Variants in MAP3K5 observed in about 807,000 individuals in gnomAD.
MAP3K5 encodes ASK-1.
Under a neutral mutation model 158.7 loss-of-function variants are expected in MAP3K5, and 56 were observed. The ratio of observed to expected loss-of-function variants is 0.35; its 90% confidence interval spans 0.28 to 0.44. The LOEUF (loss-of-function observed/expected upper bound fraction) is 0.44. Ranked by LOEUF, MAP3K5 falls within the 20% of genes least tolerant of loss-of-function variation. The pLI is 1.00. For synonymous variants in MAP3K5, 579 were observed against 601.7 expected (o/e 0.96, Z 0.55); for missense variants, 1,294 against 1,674.8 (o/e 0.77, Z 3.97).
chr6:136,653,673 T>C (rs747319857), intron 10 of MAP3K5, among the ~76,000 whole-genome samples: 2 of 152,224 alleles, frequency 1.3e-5, no homozygotes, highest in African/African-American at 2.4e-5. Context: ...TCTATATGGC[T>C]TTCATTATTT....
At chr6:136,710,374 T>C (rs1781257858) in intron 2 of MAP3K5, among the ~76,000 whole-genome samples, 1 of 152,200 alleles carries the variant, frequency 6.6e-6, no homozygotes, top group Non-Finnish European at 1.5e-5. Context: ...TCCATACTTG[T>C]CTGAGGTATT....
chr6:136,779,639 C>A (rs1465621838), intron 1 of MAP3K5, among the ~76,000 whole-genome samples: 2 of 152,060 alleles, frequency 1.3e-5, no homozygotes, highest in East Asian at 1.9e-4. Context: ...AATATAAGGA[C>A]CTTTTTCCTT....
chr6:136,725,884 T>C (rs1246056406), intron 1 of MAP3K5, among the ~76,000 whole-genome samples: 3 of 152,362 alleles, frequency 2.0e-5, no homozygotes, highest in African/African-American at 7.2e-5. Flanking sequence ...GTGTGAGGCA[T>C]GGGTCAAGAT....
At chr6:136,754,655 T>C (rs1388394184) in intron 1 of MAP3K5, among the ~76,000 whole-genome samples, 1 of 152,102 alleles carries the variant, frequency 6.6e-6, no homozygotes, top group Non-Finnish European at 1.5e-5. Flanking sequence ...ACCCTATGCT[T>C]AATCTGCAGA....
At chr6:136,638,887 A>C (rs1777779404) in intron 13 of MAP3K5, among the ~76,000 whole-genome samples, 1 of 152,264 alleles carries the variant, frequency 6.6e-6, no homozygotes, top group African/African-American at 2.4e-5. Flanking sequence ...TTTGGCTTCT[A>C]AATTATCACT....
At chr6:136,702,290 T>C (rs948454030) in intron 3 of MAP3K5, among the ~76,000 whole-genome samples, 3 of 152,146 alleles carry the variant, frequency 2.0e-5, no homozygotes, top group Admixed American at 1.3e-4. Flanking sequence ...CCAGTGAGTA[T>C]GCAGTGGAGG....
rs542085471 is a variant in MAP3K5, at chr6:136,739,847, T to TC, written c.449-19259dup. 1.7e-3 allele frequency among the ~76,000 whole-genome samples: 254 copies of TC among 152,280 alleles called. 2 individuals carry two copies. Among genetic ancestry groups the TC allele is most frequent in the Non-Finnish European group, 3.2e-3 (220 of 68,010 alleles). On this transcript the variant is annotated intron_variant, in intron 1 of 29. Coordinates refer to ENST00000359015, the MANE Select transcript of MAP3K5 (RefSeq NM_005923.4). Reference sequence around the variant, plus strand: ...TGATCTCATTGTCATTTCTAGTAGATCCCCCCATTCATTCTCAAGTGTCCT... The same window carrying TC: ...TGATCTCATTGTCATTTCTAGTAGATCCCCCCCATTCATTCTCAAGTGTCCT...
chr6:136,655,091 T>C (rs1778686169), intron 10 of MAP3K5, among the ~76,000 whole-genome samples: 1 of 152,226 alleles, frequency 6.6e-6, no homozygotes, highest in Admixed American at 6.5e-5. Flanking sequence ...TTTTTTATAT[T>C]CACTTATATT....
chr6:136,675,135 T>C (rs1213978322), intron 7 of MAP3K5, among the ~76,000 whole-genome samples: 3 of 151,816 alleles, frequency 2.0e-5, no homozygotes, highest in Admixed American at 6.6e-5. Flanking sequence ...GTAAATTCAA[T>C]AGGAAAATAT....
chr6:136,702,451 C>G (rs1021655016), intron 3 of MAP3K5, among the ~76,000 whole-genome samples: 1 of 152,132 alleles, frequency 6.6e-6, no homozygotes, highest in Non-Finnish European at 1.5e-5. Flanking sequence ...CAGATTGCCA[C>G]CAAACCCATA....
At chr6:136,681,779 T>C (rs991394581) in intron 7 of MAP3K5, among the ~76,000 whole-genome samples, 7 of 151,688 alleles carry the variant, frequency 4.6e-5, no homozygotes, top group African/African-American at 9.7e-5. Context: ...ATTAGCCGGG[T>C]GTGGTGGCGG....
intron 3 of MAP3K5, among the ~76,000 whole-genome samples, chr6:136,704,689 G>A (rs967442934): frequency 3.3e-5 from 5 of 152,136 alleles, no homozygotes; most frequent in Non-Finnish European, 5.9e-5. Flanking sequence ...GGGATTACAG[G>A]AGCATGCTAC....
At position 136,772,137 on chromosome 6, in the gene MAP3K5, G is replaced by A. The variant is rs868064499; in HGVS notation, c.448+19573C>T. 9.8e-4 allele frequency among the ~76,000 whole-genome samples: 144 copies of A among 146,844 alleles called. 1 individual carries two copies. Among genetic ancestry groups the A allele is most frequent in the African/African-American group, 3.6e-3 (141 of 38,834 alleles). ...TTACCATGTTGGCCAGGCTGGTCTC[G>A]AACTCCCAACCTCAGGTGATCTGCG... On this transcript the variant is annotated intron_variant, in intron 1 of 29. Coordinates refer to ENST00000359015, the MANE Select transcript of MAP3K5 (RefSeq NM_005923.4).
At chr6:136,792,927 G>C (rs952076735), upstream of MAP3K5, among the ~76,000 whole-genome samples, 2 of 152,146 alleles carry the variant, frequency 1.3e-5, no homozygotes, top group Non-Finnish European at 2.9e-5. The surrounding 1 kb of genome is among the most constrained non-coding windows in gnomAD (Gnocchi z 5.7). Context: ...TAGGAAGCTC[G>C]AGCCCGGACT....
intron 1 of MAP3K5, among the ~76,000 whole-genome samples, chr6:136,770,809 G>A (rs1265943157): frequency 1.3e-5 from 2 of 152,026 alleles, no homozygotes; most frequent in Non-Finnish European, 2.9e-5. Context: ...TATGTATGAA[G>A]CAAGAATCTG....
At chr6:136,690,923 T>A (rs1195918145) in intron 7 of MAP3K5, among the ~76,000 whole-genome samples, 1 of 152,214 alleles carries the variant, frequency 6.6e-6, no homozygotes, top group African/African-American at 2.4e-5. Context: ...TCTAGAATTG[T>A]CTTTACTTCA....
intron 18 of MAP3K5, among the ~76,000 whole-genome samples, chr6:136,607,536 C>T (rs891498986): frequency 6.6e-6 from 1 of 152,158 alleles, no homozygotes; most frequent in Admixed American, 6.5e-5. Flanking sequence ...TGAGAGCCAA[C>T]CTGAACACTG....
rs371002078 is a variant in MAP3K5 at position 136,707,566 on chromosome 6, G to GA, written c.589-2434_589-2433insT. On this transcript the variant is annotated intron_variant, in intron 2 of 29. Coordinates refer to ENST00000359015, the MANE Select transcript of MAP3K5 (RefSeq NM_005923.4). ...GAATTAAAGAGGTACTTGGGGGGGG[G>GA]GGGAACCCCTTGAACGTAGTCATTT... Among the ~76,000 whole-genome samples, 600 of 152,058 alleles carry GA rather than the reference G, an allele frequency of 3.9e-3. 2 individuals carry two copies. The highest frequency in any genetic ancestry group is 0.013 in the African/African-American group (546 of 41,532).
chr6:136,718,897 T>C (rs1375074084), intron 2 of MAP3K5, among the ~76,000 whole-genome samples: 1 of 152,206 alleles, frequency 6.6e-6, no homozygotes, highest in Non-Finnish European at 1.5e-5. Context: ...CTAGGTGATC[T>C]AGGTGTGGCA....
Sources: allele counts gnomAD v4.1 joint callset (sites outside exome capture counted in the v4.1 genomes callset), GRCh38; gene constraint gnomAD v4.1.1; non-coding constraint Gnocchi (gnomAD v3.1); transcripts MANE v1.5; gene names NCBI Gene and HGNC (gene_info 2026-07-23, HGNC 2026-07-21).